CSMD1: variants seen among roughly 807,000 people sequenced by gnomAD.
The protein encoded by CSMD1 is CUB and sushi domain-containing protein 1.
CSMD1 carries 213 observed loss-of-function variants against 417.5 expected under a neutral mutation model. That is an observed-to-expected ratio of 0.51 (90% CI 0.46 to 0.57). CSMD1 has a LOEUF of 0.57. CSMD1 is among the 20% of genes least tolerant of loss of function. The pLI, the probability that CSMD1 is intolerant of heterozygous loss-of-function variation, is 0.00. For synonymous variants in CSMD1, 2,862 were observed against 1,736.8 expected, an observed-to-expected ratio of 1.65 and a Z score of -16.11; for missense variants, 6,923 against 4,529.7, an observed-to-expected ratio of 1.53 and a Z score of -15.17.
chr8:3,859,737 G>A (rs141840584), intron 5 of CSMD1, among the ~76,000 whole-genome samples: 2 of 152,200 alleles, frequency 1.3e-5, no homozygotes, highest in Non-Finnish European at 2.9e-5. Context: ...AGAAACCCGG[G>A]CAGTCTTCCC....
rs539655913 is a variant in CSMD1, at chr8:4,049,193, C to T, written c.416-17094G>A. On this transcript the variant is annotated intron_variant, in intron 3 of 69. Transcript: ENST00000635120. ...ATCAAAGAGTCTATCTTAGGTGTTG[C>T]GTCTTTCTCTATCTATTCTGATACC... 2.6e-5 allele frequency among the ~76,000 whole-genome samples: 4 copies of T among 152,020 alleles called. No homozygotes were observed. The East Asian group carries it at 5.8e-4, about 22-fold the overall frequency.
chr8:4,702,609 C>A (rs375547763), intron 1 of CSMD1, among the ~76,000 whole-genome samples: 1 of 152,092 alleles, frequency 6.6e-6, no homozygotes, highest in Non-Finnish European at 1.5e-5. Flanking sequence ...CAAAATGAAC[C>A]TCATTACCAG....
chr8:4,791,916 A>G (rs1797712230), intron 1 of CSMD1, among the ~76,000 whole-genome samples: 1 of 151,320 alleles, frequency 6.6e-6, no homozygotes, highest in African/African-American at 2.5e-5. Flanking sequence ...GAAAAGGTAG[A>G]TTAATTTAGT....
chr8:4,310,280 G>A (rs532295366), intron 3 of CSMD1, among the ~76,000 whole-genome samples: 7 of 152,148 alleles, frequency 4.6e-5, no homozygotes, highest in Non-Finnish European at 5.9e-5. Flanking sequence ...TATCATGGCT[G>A]CTTAGAGCTG....
chr8:4,992,132 G>A (rs1482701138), intron 1 of CSMD1, among the ~76,000 whole-genome samples: 1 of 152,156 alleles, frequency 6.6e-6, no homozygotes, highest in Non-Finnish European at 1.5e-5. Context: ...GCCCCGCAGG[G>A]CCCGAGGCGC....
chr8:3,515,781 C>T (rs1214765054), intron 10 of CSMD1, among the ~76,000 whole-genome samples: 1 of 152,196 alleles, frequency 6.6e-6, no homozygotes, highest in Non-Finnish European at 1.5e-5. Context: ...ACTTTCTGAA[C>T]ATGTAGGAAG....
At chr8:4,792,956 G>A (rs1374574351) in intron 1 of CSMD1, among the ~76,000 whole-genome samples, 1 of 145,422 alleles carries the variant, frequency 6.9e-6, no homozygotes, top group Non-Finnish European at 1.5e-5. Context: ...ATATGTATAT[G>A]GAATATATGT....
At chr8:4,649,996 G>A (rs182936130) in intron 1 of CSMD1, among the ~76,000 whole-genome samples, 7 of 152,154 alleles carry the variant, frequency 4.6e-5, no homozygotes, top group African/African-American at 7.2e-5. Flanking sequence ...TAAGACTGTC[G>A]AGAACTTGAT....
chr8:3,451,829 G>C (rs917390461), intron 12 of CSMD1, among the ~76,000 whole-genome samples: 2 of 152,168 alleles, frequency 1.3e-5, no homozygotes, highest in African/African-American at 2.4e-5. Flanking sequence ...GAACTTTAAA[G>C]TAGTTTTTTC....
At chr8:3,457,479 A>T (rs1266101566) in intron 12 of CSMD1, among the ~76,000 whole-genome samples, 2 of 152,224 alleles carry the variant, frequency 1.3e-5, no homozygotes, top group Non-Finnish European at 2.9e-5. Context: ...GCAAGAGGTG[A>T]TCTAAAAGAA....
At chr8:3,257,543 G>C (rs1800747710) in intron 26 of CSMD1, among the ~76,000 whole-genome samples, 1 of 152,346 alleles carries the variant, frequency 6.6e-6, no homozygotes, top group Non-Finnish European at 1.5e-5. Context: ...GGCACTGAGA[G>C]TGCTGGGGGG....
intron 3 of CSMD1, among the ~76,000 whole-genome samples, chr8:4,283,927 C>G (rs1383751156): frequency 6.6e-6 from 1 of 152,152 alleles, no homozygotes; most frequent in African/African-American, 2.4e-5. Flanking sequence ...CAAATCTGGA[C>G]ACACCATTAT....
intron 3 of CSMD1, among the ~76,000 whole-genome samples, chr8:4,330,173 G>A (rs1217685679): frequency 1.4e-5 from 2 of 138,392 alleles, no homozygotes; most frequent in Admixed American, 7.6e-5. Context: ...AACAGGAACA[G>A]AGGTTCCTGT....
At chr8:4,540,904 T>C (rs1274831031) in intron 2 of CSMD1, among the ~76,000 whole-genome samples, 1 of 152,186 alleles carries the variant, frequency 6.6e-6, no homozygotes, top group Non-Finnish European at 1.5e-5. Context: ...GTCTGCTATT[T>C]AATTTTATGA....
chr8:4,572,328 C>A (rs73500512), intron 2 of CSMD1, among the ~76,000 whole-genome samples: 5 of 152,074 alleles, frequency 3.3e-5, no homozygotes, highest in African/African-American at 1.2e-4. Context: ...ACAAAATCCC[C>A]CAGAATTTGC....
chr8:4,356,025 G>A (rs142089855), intron 3 of CSMD1, among the ~76,000 whole-genome samples: 4 of 152,146 alleles, frequency 2.6e-5, no homozygotes, highest in African/African-American at 9.6e-5. Flanking sequence ...TTAAGTTACT[G>A]GTGTTTGGGA....
chr8:4,194,925 T>C (rs1314760333), intron 3 of CSMD1, among the ~76,000 whole-genome samples: 5 of 151,824 alleles, frequency 3.3e-5, no homozygotes, highest in African/African-American at 1.2e-4. Context: ...GAGATCACAG[T>C]AGAAGAGGTG....
intron 4 of CSMD1, among the ~76,000 whole-genome samples, chr8:4,009,763 A>G (rs1816401779): frequency 6.6e-6 from 1 of 152,044 alleles, no homozygotes; most frequent in Non-Finnish European, 1.5e-5. Flanking sequence ...AGGAGCCAGA[A>G]TGAAAGGAAC....
In CSMD1 at chr8:4,420,039, G is replaced by C. The variant is rs756327856; in HGVS notation, c.329C>G (p.Ser110Cys). 1.7e-5 allele frequency: 26 copies of C among 1,574,752 alleles called. No individual in the cohort carries two copies. In the South Asian group the frequency reaches 2.0e-4, roughly 12 times the overall value. ...VRLSGFQLPS[S>C]IVSTGSILTL... Reference sequence around the variant, plus strand: ...GAGGATAGATCCTGTACTCACTATAGAGGAGGGCAGCTGAAATCCCGATAA... The same window carrying C: ...GAGGATAGATCCTGTACTCACTATACAGGAGGGCAGCTGAAATCCCGATAA... Residue 110 changes from serine to cysteine, a missense_variant, in exon 3 of 70, where the codon TCT becomes TGT. Physicochemically the swap from Ser to Cys is moderately radical, Grantham distance 112 (BLOSUM62 -1). Transcript: ENST00000635120.
Sources: gnomAD v4.1 joint callset for allele counts (sites outside exome capture counted in the v4.1 genomes callset) on GRCh38, gnomAD v4.1.1 for gene constraint, MANE v1.5 for transcripts, NCBI Gene and HGNC (gene_info 2026-07-23, HGNC 2026-07-21) for gene names.